Variants in XKR4 observed in about 807,000 individuals in gnomAD.
XKR4 encodes XK-related protein 4.
A neutral mutation model predicts 53.9 loss-of-function variants in XKR4; 12 were observed. The ratio of observed to expected loss-of-function variants is 0.22; its 90% CI spans 0.14 to 0.36. The LOEUF is 0.36. Ranked by LOEUF, XKR4 falls within the 10% of genes least tolerant of loss-of-function variation. The pLI is 1.00. For synonymous variants in XKR4, 354 were observed against 362.4 expected (o/e 0.98, Z 0.26); for missense variants, 799 against 859.5 (o/e 0.93, Z 0.88).
intron 1 of XKR4, among the ~76,000 whole-genome samples, chr8:55,310,448 A>T (rs1445669899): frequency 6.6e-6 from 1 of 152,252 alleles, no homozygotes; most frequent in African/African-American, 2.4e-5. Context: ...AGCACCTGAC[A>T]CGTGATAAGC....
intron 2 of XKR4, among the ~76,000 whole-genome samples, chr8:55,487,553 G>T (rs1038733436): frequency 6.6e-6 from 1 of 150,758 alleles, no homozygotes; most frequent in South Asian, 2.1e-4. Flanking sequence ...TACAACCTCT[G>T]CCTCCCAGGG....
At chr8:55,319,537 A>G (rs1448247584) in intron 1 of XKR4, among the ~76,000 whole-genome samples, 1 of 152,204 alleles carries the variant, frequency 6.6e-6, no homozygotes, top group Non-Finnish European at 1.5e-5. Context: ...TCTAATTTAC[A>G]TTGATTCATG....
chr8:55,485,820 C>T (rs990570915), intron 2 of XKR4, among the ~76,000 whole-genome samples: 1 of 152,130 alleles, frequency 6.6e-6, no homozygotes, highest in Non-Finnish European at 1.5e-5. Context: ...TTGAGGGCCC[C>T]AGGAGCTAAG....
intron 2 of XKR4, chr8:55,451,168 G>A (rs1432196643): frequency 1.8e-6 from 1 of 545,436 alleles, no homozygotes; most frequent in South Asian, 2.1e-5. Context: ...GGGGCCGGGG[G>A]ACACCCGTTG....
chr8:55,533,162 T>G lies in XKR4; in HGVS notation c.*8935T>G, dbSNP rs951282361. ...TTTGATCGCACACCAGTAGAACGCA[T>G]CTTAACACCAGCATTGCCATTGTGA... On this transcript the variant is annotated 3_prime_UTR_variant, in exon 3 of 3. Transcript: ENST00000327381. 1.3e-5 allele frequency: 2 copies of G among 152,214 alleles called. No individual in the cohort carries two copies. The highest frequency in any genetic ancestry group is 2.9e-5 in the Non-Finnish European group (2 of 68,044). 9.4% of individuals were successfully genotyped at this position (152,214 alleles called of 1,614,324 possible).
In XKR4 at chr8:55,452,074, G is replaced by T. The variant is rs975366131; in HGVS notation, c.1007-71207G>T. The T allele has an allele frequency of 6.1e-5, 43 of 705,174 alleles. No homozygotes were observed. The African/African-American group carries it at 7.2e-4, about 12-fold the overall frequency. 43.7% of individuals were successfully genotyped at this position (705,174 alleles called of 1,614,324 possible). A position where few individuals can be genotyped will look rare whatever the true frequency, so the allele number is the denominator to read the frequency against. ...GGACCCTTGTTCTTGGTGACTCGGG[G>T]TGGCTGGCCGGGTGTGTAGGTAGAG... On this transcript the variant is annotated intron_variant, in intron 2 of 2. Transcript: ENST00000327381.
chr8:55,214,388 T>C (rs1247487476), intron 1 of XKR4, among the ~76,000 whole-genome samples: 1 of 152,190 alleles, frequency 6.6e-6, no homozygotes, highest in Non-Finnish European at 1.5e-5. Flanking sequence ...TAACTTAGTG[T>C]CTAGTACTAT....
chr8:55,165,112 C>T (rs899127993), intron 1 of XKR4, among the ~76,000 whole-genome samples: 8 of 152,190 alleles, frequency 5.3e-5, no homozygotes, highest in African/African-American at 1.7e-4. Context: ...ATTCAGTATG[C>T]TTGTTCCTCC....
chr8:55,423,513 G>A (rs1804968496), intron 2 of XKR4, among the ~76,000 whole-genome samples: 1 of 152,160 alleles, frequency 6.6e-6, no homozygotes, highest in African/African-American at 2.4e-5. Flanking sequence ...TCCTTGTCTG[G>A]CTTACTCTAT....
At chr8:55,419,614 T>A (rs1023726935) in intron 2 of XKR4, among the ~76,000 whole-genome samples, 2 of 152,254 alleles carry the variant, frequency 1.3e-5, no homozygotes, top group Admixed American at 1.3e-4. Flanking sequence ...CTTAAGTAGA[T>A]AATGAATCAA....
chr8:55,200,054 G>C (rs977150949), intron 1 of XKR4, among the ~76,000 whole-genome samples: 1 of 152,136 alleles, frequency 6.6e-6, no homozygotes, highest in Non-Finnish European at 1.5e-5. Flanking sequence ...AGTACCATGT[G>C]GGTAAATCTG....
At chr8:55,449,155 GATTTATTTATTT>G (rs6150588) in intron 2 of XKR4, among the ~76,000 whole-genome samples, 1 of 149,974 alleles carries the variant, frequency 6.7e-6, no homozygotes, top group Non-Finnish European at 1.5e-5. Flanking sequence ...ATTTATTCTA[GATTTATTTATTT>G]ATTTATTTAT....
rs1806978772 is a variant in XKR4, at chr8:55,533,176, T to C, written c.*8949T>C. 1 of 152,218 alleles carries C rather than the reference T, an allele frequency of 6.6e-6. No homozygotes were observed. 9.4% of individuals were successfully genotyped at this position (152,218 alleles called of 1,614,324 possible). On this transcript the variant is annotated 3_prime_UTR_variant, in exon 3 of 3. Transcript: ENST00000327381. ...AGTAGAACGCATCTTAACACCAGCA[T>C]TGCCATTGTGAGTCTAGAAAATGAG... is the stretch of plus-strand genomic sequence containing the variant.
In XKR4 at chr8:55,538,639, C is replaced by A. The variant is rs1332968262; in HGVS notation, c.*14412C>A. The A allele has an allele frequency of 6.6e-6, 1 of 152,148 alleles. No individual in the cohort carries two copies. The highest frequency in any genetic ancestry group is 1.9e-4 in the East Asian group (1 of 5,200). The allele number at this position is 152,148 out of a possible 1,614,324, so 9.4% of individuals were successfully genotyped here. On this transcript the variant is annotated 3_prime_UTR_variant, in exon 3 of 3. Coordinates refer to ENST00000327381, the MANE Select transcript of XKR4 (RefSeq NM_052898.2). ...TTTATTAAATGTTTATTAAAATGCA[C>A]CCAGAAAACTTGTCTCCTCCTGATG...
intron 2 of XKR4, chr8:55,451,560 C>A: frequency 8.9e-7 from 1 of 1,122,188 alleles, no homozygotes; most frequent in Non-Finnish European, 1.3e-6. Flanking sequence ...CCCCAGAATG[C>A]AGCAGTACTG....
intron 2 of XKR4, among the ~76,000 whole-genome samples, chr8:55,416,422 C>T (rs1432768737): frequency 6.6e-6 from 1 of 152,178 alleles, no homozygotes; most frequent in Non-Finnish European, 1.5e-5. Context: ...CAGTTCCATA[C>T]CCTGTGTGAA....
rs115969369 is a variant in XKR4, at chr8:55,285,640, C to T, written c.807-72038C>T. ...AAGAGAACTCCTCGAAGAGTTTTCG[C>T]GCCCCTTCTTCCAGTACTTCCATAC... is the stretch of plus-strand genomic sequence containing the variant. On this transcript the variant is annotated intron_variant, in intron 1 of 2. Transcript: ENST00000327381. Among the ~76,000 whole-genome samples, 875 of 152,282 alleles carry T rather than the reference C, an allele frequency of 5.7e-3. 12 individuals carry two copies. The highest frequency in any genetic ancestry group is 0.019 in the African/African-American group (807 of 41,554).
intron 1 of XKR4, among the ~76,000 whole-genome samples, chr8:55,338,784 G>A (rs1227123088): frequency 6.6e-6 from 1 of 152,044 alleles, no homozygotes; most frequent in East Asian, 1.9e-4. Flanking sequence ...AAGCTTTAGG[G>A]GTTGATTTTT....
intron 2 of XKR4, among the ~76,000 whole-genome samples, chr8:55,379,705 T>G (rs1191795424): frequency 4.6e-5 from 7 of 152,120 alleles, no homozygotes; most frequent in Admixed American, 4.6e-4. Context: ...CAGGCTGGGG[T>G]CCAGCGGAAT....
Sources: allele counts gnomAD v4.1 joint callset (sites outside exome capture counted in the v4.1 genomes callset), GRCh38; gene constraint gnomAD v4.1.1; transcripts MANE v1.5; gene names NCBI Gene and HGNC (gene_info 2026-07-23, HGNC 2026-07-21).